Variants in KCNIP4 observed in about 807,000 individuals in gnomAD.
KCNIP4 encodes potassium voltage-gated channel interacting protein 4, also known as Kv channel-interacting protein 4.
KCNIP4 carries 12 observed loss-of-function variants against 34.0 expected under a neutral mutation model. The observed-to-expected ratio is 0.35, with a 90% confidence interval of 0.23 to 0.57. The LOEUF is 0.57. Ranked by LOEUF, KCNIP4 falls within the 20% of genes least tolerant of loss-of-function variation. The pLI is 0.83. For missense variants in KCNIP4, 238 were observed against 311.7 expected, an observed-to-expected ratio of 0.76 and a Z score of 1.78; for synonymous variants, 124 against 102.2, an observed-to-expected ratio of 1.21 and a Z score of -1.29.
chr4:21,408,055 G>T (rs906462898), intron 1 of KCNIP4, among the ~76,000 whole-genome samples: 1 of 152,110 alleles, frequency 6.6e-6, no homozygotes, highest in Admixed American at 6.6e-5. Flanking sequence ...AACACACAAA[G>T]GCTCTATAGA....
intron 1 of KCNIP4, among the ~76,000 whole-genome samples, chr4:21,675,399 T>C (rs1341029840): frequency 6.6e-6 from 1 of 152,140 alleles, no homozygotes; most frequent in Non-Finnish European, 1.5e-5. Flanking sequence ...AGAGTGATTA[T>C]AGTCAACAAT....
intron 1 of KCNIP4, among the ~76,000 whole-genome samples, chr4:21,621,341 T>C (rs1368619960): frequency 6.6e-6 from 1 of 152,150 alleles, no homozygotes; most frequent in Non-Finnish European, 1.5e-5. Context: ...CACAGGAAAA[T>C]GTGTCATAAT....
chr4:21,741,139 C>A (rs1475130875), intron 1 of KCNIP4, among the ~76,000 whole-genome samples: 2 of 152,112 alleles, frequency 1.3e-5, no homozygotes, highest in Non-Finnish European at 2.9e-5. Context: ...TTTTGTAATG[C>A]TGGCTTATAG....
chr4:21,773,454 C>T (rs1718941256), intron 1 of KCNIP4, among the ~76,000 whole-genome samples: 1 of 152,136 alleles, frequency 6.6e-6, no homozygotes, highest in Non-Finnish European at 1.5e-5. Context: ...GAGATGAGTT[C>T]AAGTCCTGAA....
chr4:21,140,091 T>G (rs1418817294), intron 1 of KCNIP4, among the ~76,000 whole-genome samples: 4 of 152,122 alleles, frequency 2.6e-5, no homozygotes, highest in African/African-American at 9.7e-5. Flanking sequence ...AGTGCGAAAT[T>G]CAATGAGCTT....
At chr4:21,552,464 C>A (rs1201429735) in intron 1 of KCNIP4, among the ~76,000 whole-genome samples, 1 of 152,028 alleles carries the variant, frequency 6.6e-6, no homozygotes, top group African/African-American at 2.4e-5. Flanking sequence ...TTTTAAGCAC[C>A]TAAAAAGTAA....
chr4:21,540,659 G>A (rs776933440), intron 1 of KCNIP4, among the ~76,000 whole-genome samples: 14 of 152,204 alleles, frequency 9.2e-5, no homozygotes, highest in Non-Finnish European at 1.5e-4. Flanking sequence ...GGTAACTCCT[G>A]TAGAAAGAAA....
intron 1 of KCNIP4, among the ~76,000 whole-genome samples, chr4:21,014,967 A>G (rs1489307981): frequency 6.6e-6 from 1 of 152,214 alleles, no homozygotes; most frequent in Admixed American, 6.6e-5. Flanking sequence ...ATGCTATGGC[A>G]TTGATGAACC....
At chr4:21,131,634 A>G (rs1751081430) in intron 1 of KCNIP4, among the ~76,000 whole-genome samples, 1 of 152,090 alleles carries the variant, frequency 6.6e-6, no homozygotes, top group African/African-American at 2.4e-5. Flanking sequence ...AACAAAAACA[A>G]AAATAAAAAC....
chr4:21,382,524 G>A (rs974439291), intron 1 of KCNIP4, among the ~76,000 whole-genome samples: 20 of 151,906 alleles, frequency 1.3e-4, no homozygotes, highest in African/African-American at 4.6e-4. Context: ...TATAATTGTA[G>A]CTATAAGAGT....
rs1305818855 is a variant in KCNIP4 at position 20,737,204 on chromosome 4, G to A, written c.430-2469C>T. 4.6e-5 allele frequency among the ~76,000 whole-genome samples: 7 copies of A among 152,208 alleles called. No individual in the cohort carries two copies. In the South Asian group the frequency reaches 1.0e-3, roughly 23 times the overall value. ...AATTCCAATATTTGGCAGGTACAGA[G>A]AGGAGAAGCTGGCAAAGCATCTTGA... is the stretch of plus-strand genomic sequence containing the variant. On this transcript the variant is annotated intron_variant, in intron 5 of 8. Transcript: ENST00000382152.
intron 3 of KCNIP4, among the ~76,000 whole-genome samples, chr4:20,845,075 C>T (rs1720200532): frequency 1.3e-5 from 2 of 152,126 alleles, no homozygotes; most frequent in African/African-American, 4.8e-5. Flanking sequence ...TGGATACAAC[C>T]TATGTGACCC....
chr4:21,326,022 T>C (rs1035988684), intron 1 of KCNIP4, among the ~76,000 whole-genome samples: 1 of 151,900 alleles, frequency 6.6e-6, no homozygotes, highest in Non-Finnish European at 1.5e-5. Flanking sequence ...TAACATATTG[T>C]CTATCCTTGA....
intron 1 of KCNIP4, among the ~76,000 whole-genome samples, chr4:20,892,890 C>A (rs931581704): frequency 1.3e-5 from 2 of 152,166 alleles, no homozygotes; most frequent in Non-Finnish European, 2.9e-5. Context: ...AATTGAACCT[C>A]AATTTTCCCT....
At chr4:20,822,106 A>G (rs1209112777) in intron 3 of KCNIP4, among the ~76,000 whole-genome samples, 1 of 152,182 alleles carries the variant, frequency 6.6e-6, no homozygotes, top group Non-Finnish European at 1.5e-5. Flanking sequence ...AGCAAAAGAA[A>G]TTATCAGCAA....
chr4:21,572,351 G>A lies in KCNIP4; in HGVS notation c.61+376220C>T, dbSNP rs190873566. ...CCTGAAGAGTTTATGATGGCCTCCT[G>A]TATTCTTCCTGTAACGTGTTCAAAT... is the stretch of plus-strand genomic sequence containing the variant. On this transcript the variant is annotated intron_variant, in intron 1 of 8. Transcript: ENST00000382152. Among the ~76,000 whole-genome samples, 32 of 152,194 alleles carry A rather than the reference G, an allele frequency of 2.1e-4. No homozygotes were observed. In the East Asian group the frequency reaches 5.6e-3, roughly 27 times the overall value.
intron 1 of KCNIP4, among the ~76,000 whole-genome samples, chr4:21,752,366 G>A (rs1717206689): frequency 6.6e-6 from 1 of 152,084 alleles, no homozygotes; most frequent in African/African-American, 2.4e-5. Context: ...CATGTCAGTA[G>A]GAAAGAGAGA....
At chr4:21,751,096 G>A (rs1175491423) in intron 1 of KCNIP4, among the ~76,000 whole-genome samples, 3 of 152,144 alleles carry the variant, frequency 2.0e-5, no homozygotes, top group Admixed American at 1.3e-4. Flanking sequence ...TAGGGAAGAG[G>A]AGACTGGGTG....
At chr4:21,694,022 C>T (rs866961599) in intron 1 of KCNIP4, among the ~76,000 whole-genome samples, 13 of 152,086 alleles carry the variant, frequency 8.5e-5, no homozygotes, top group Non-Finnish European at 2.9e-5. Flanking sequence ...AAACAATGTA[C>T]AGAATATTGA....
Sources: allele counts gnomAD v4.1 joint callset (sites outside exome capture counted in the v4.1 genomes callset), GRCh38; gene constraint gnomAD v4.1.1; transcripts MANE v1.5; gene names NCBI Gene and HGNC (gene_info 2026-07-23, HGNC 2026-07-21).